Variants in ARHGAP10 observed in about 807,000 individuals in gnomAD.
The protein encoded by ARHGAP10 is rho GTPase-activating protein 10.
In ARHGAP10, 87 loss-of-function variants were observed where a neutral mutation model predicts 108.6. The ratio of observed to expected loss-of-function variants is 0.80; its 90% confidence interval spans 0.67 to 0.96. ARHGAP10 has a LOEUF of 0.96. ARHGAP10 is among the 40% of genes least tolerant of loss of function. ARHGAP10 has a pLI of 0.00. For missense variants in ARHGAP10, 939 were observed against 954.5 expected, an observed-to-expected ratio of 0.98 and a Z score of 0.21; for synonymous variants, 347 against 341.1, an observed-to-expected ratio of 1.02 and a Z score of -0.19.
chr4:148,042,007 C>T (rs993171663), intron 19 of ARHGAP10, among the ~76,000 whole-genome samples: 1 of 152,162 alleles, frequency 6.6e-6, no homozygotes, highest in Non-Finnish European at 1.5e-5. Context: ...TAAAACTATC[C>T]CAGGCTTCTC....
intron 19 of ARHGAP10, among the ~76,000 whole-genome samples, chr4:148,024,749 C>A (rs148368033): frequency 2.0e-5 from 3 of 152,178 alleles, no homozygotes; most frequent in African/African-American, 7.2e-5. Context: ...CTCTTTCTTA[C>A]GTTCATTCTT....
At chr4:147,907,456 C>G (rs1736540784) in intron 11 of ARHGAP10, among the ~76,000 whole-genome samples, 1 of 152,064 alleles carries the variant, frequency 6.6e-6, no homozygotes, top group African/African-American at 2.4e-5. Flanking sequence ...TTGCAGGTGC[C>G]AGGCAGGCTT....
At chr4:147,789,991 AT>A (rs767313173) in intron 1 of ARHGAP10, among the ~76,000 whole-genome samples, 3,752 of 117,792 alleles carry the variant, frequency 0.032, 66 homozygotes, top group East Asian at 0.064. Flanking sequence ...TGGTGTGTGG[AT>A]TTTTTTTTTT....
chr4:147,815,930 T>C (rs960122857), intron 1 of ARHGAP10, among the ~76,000 whole-genome samples: 98 of 152,332 alleles, frequency 6.4e-4, no homozygotes, highest in African/African-American at 2.3e-3. Flanking sequence ...CAAAAACTGT[T>C]AGATAATAAG....
At chr4:147,735,994 G>A (rs1244183977) in intron 1 of ARHGAP10, among the ~76,000 whole-genome samples, 5 of 152,120 alleles carry the variant, frequency 3.3e-5, no homozygotes, top group African/African-American at 4.8e-5. Flanking sequence ...TAAATTTTAC[G>A]TTAGGCAGTC....
chr4:147,768,726 G>T (rs12640660), intron 1 of ARHGAP10, among the ~76,000 whole-genome samples: 112,011 of 150,880 alleles, frequency 0.74, 47,579 homozygotes, highest in Non-Finnish European at 0.93. Flanking sequence ...TAAAAATGGG[G>T]GCAAATTTTC....
At chr4:147,860,759 T>C (rs944781184) in intron 5 of ARHGAP10, among the ~76,000 whole-genome samples, 10 of 152,242 alleles carry the variant, frequency 6.6e-5, no homozygotes, top group African/African-American at 2.2e-4. Context: ...GAGACTTGTC[T>C]ACTTTCTTAC....
At chr4:147,786,602 TTTCAAAGGA>T (rs894788416) in intron 1 of ARHGAP10, among the ~76,000 whole-genome samples, 2 of 152,222 alleles carry the variant, frequency 1.3e-5, no homozygotes, top group African/African-American at 4.8e-5. Context: ...AGTTTTAATG[TTTCAAAGGA>T]TAATGGAGGA....
intron 5 of ARHGAP10, chr4:147,861,257 G>C (rs1458858976): frequency 6.6e-6 from 1 of 152,448 alleles, no homozygotes; most frequent in Non-Finnish European, 1.5e-5. Context: ...TCCGTGCAAG[G>C]CTGTGGCTGG....
At chr4:147,859,418 G>A (rs1037136225) in intron 5 of ARHGAP10, among the ~76,000 whole-genome samples, 8 of 151,590 alleles carry the variant, frequency 5.3e-5, no homozygotes, top group Non-Finnish European at 7.4e-5. Flanking sequence ...GATTACAGGC[G>A]CCCACTACCA....
chr4:147,896,638 A>T (rs1314693269), intron 10 of ARHGAP10, among the ~76,000 whole-genome samples: 1 of 151,212 alleles, frequency 6.6e-6, no homozygotes, highest in Non-Finnish European at 1.5e-5. Context: ...TTTTTATTTC[A>T]TTTGTTTCTG....
chr4:147,990,346 C>A (rs1740219699), intron 18 of ARHGAP10, among the ~76,000 whole-genome samples: 1 of 152,180 alleles, frequency 6.6e-6, no homozygotes, highest in African/African-American at 2.4e-5. Context: ...TGAATGTTAG[C>A]CAGAAAATGG....
intron 1 of ARHGAP10, among the ~76,000 whole-genome samples, chr4:147,769,390 G>A (rs751693345): frequency 3.9e-5 from 6 of 152,112 alleles, no homozygotes; most frequent in Admixed American, 1.3e-4. Flanking sequence ...CATTCTACAG[G>A]CATCTAAGGT....
At chr4:148,050,498 C>T (rs1357787208) in intron 20 of ARHGAP10, among the ~76,000 whole-genome samples, 3 of 151,690 alleles carry the variant, frequency 2.0e-5, no homozygotes, top group East Asian at 2.0e-4. Context: ...CTCAGCCTCC[C>T]GAGTGGCTGG....
chr4:147,925,431 T>C (rs76376257), intron 13 of ARHGAP10, among the ~76,000 whole-genome samples: 1 of 152,048 alleles, frequency 6.6e-6, no homozygotes, highest in African/African-American at 2.4e-5. Flanking sequence ...GAGTCTCTTT[T>C]TGATTTATTG....
chr4:147,907,067 T>C (rs1736526304), intron 11 of ARHGAP10, among the ~76,000 whole-genome samples: 2 of 152,214 alleles, frequency 1.3e-5, no homozygotes, highest in East Asian at 3.8e-4. Context: ...TCAGTGGAGA[T>C]GGAACAGGAA....
Position 147,911,696 on chromosome 4 carries a change from C to A in ARHGAP10, c.1163-1378C>A, listed in dbSNP as rs76714223. On this transcript the variant is annotated intron_variant, in intron 12 of 22. Coordinates refer to ENST00000336498, the MANE Select transcript of ARHGAP10 (RefSeq NM_024605.4). ...AATTTTTGAAACAAGAATTGTCATTCATTAAGGATATACAGATATGCCAGC... is the reference window on the plus strand; with the variant it reads ...AATTTTTGAAACAAGAATTGTCATTAATTAAGGATATACAGATATGCCAGC... 4.0e-3 allele frequency among the ~76,000 whole-genome samples: 605 copies of A among 152,158 alleles called. 7 individuals are homozygous for A. Among genetic ancestry groups the A allele is most frequent in the Admixed American group, 0.02 (299 of 15,280 alleles).
chr4:147,993,946 G>A (rs1351349758), intron 18 of ARHGAP10, among the ~76,000 whole-genome samples: 1 of 152,234 alleles, frequency 6.6e-6, no homozygotes, highest in Non-Finnish European at 1.5e-5. Flanking sequence ...AACCCTGAAA[G>A]GGTAGATAGT....
At chr4:147,832,666 G>GAAAAAAAAAAAAAAAA (rs1165230059) in intron 3 of ARHGAP10, among the ~76,000 whole-genome samples, 2 of 45,756 alleles carry the variant, frequency 4.4e-5, no homozygotes. Context: ...AAAAAAAAAG[G>GAAAAAAAAAAAAAAAA]AAATTGGAGC....
Sources: allele counts gnomAD v4.1 joint callset (sites outside exome capture counted in the v4.1 genomes callset), GRCh38; gene constraint gnomAD v4.1.1; transcripts MANE v1.5; gene names NCBI Gene and HGNC (gene_info 2026-07-23, HGNC 2026-07-21).